The following DLGAP1 variants were observed in gnomAD, a reference collection of about 807,000 sequenced individuals.
The protein encoded by DLGAP1 is disks large-associated protein 1.
In DLGAP1, 11 loss-of-function variants were observed where a neutral mutation model predicts 90.8. That is an observed-to-expected ratio of 0.12 (90% confidence interval 0.08 to 0.20). DLGAP1 has a LOEUF of 0.20. DLGAP1 is among the 10% of genes least tolerant of loss of function. The probability of loss-of-function intolerance (pLI) is 1.00; values close to 1 mark genes in which losing one functional copy is unlikely to be tolerated. For synonymous variants in DLGAP1, 558 were observed against 540.7 expected (o/e 1.03, Z -0.44); for missense variants, 1,050 against 1,333.8 (o/e 0.79, Z 3.31).
At chr18:4,380,940 C>T (rs2082102089) in intron 1 of DLGAP1, among the ~76,000 whole-genome samples, 1 of 152,150 alleles carries the variant, frequency 6.6e-6, no homozygotes, top group Non-Finnish European at 1.5e-5. Context: ...CTGATTAAAG[C>T]AGATGTATTA....
chr18:4,243,085 T>G (rs1343704047), intron 1 of DLGAP1, among the ~76,000 whole-genome samples: 1 of 152,020 alleles, frequency 6.6e-6, no homozygotes, highest in Non-Finnish European at 1.5e-5. Flanking sequence ...TCTTAGATGG[T>G]GTGTTGTGAG....
At chr18:4,367,723 C>G (rs1003738975) in intron 1 of DLGAP1, among the ~76,000 whole-genome samples, 3 of 152,038 alleles carry the variant, frequency 2.0e-5, no homozygotes, top group Non-Finnish European at 4.4e-5. Context: ...GTGGCAGGCA[C>G]CTGCAGTCCC....
chr18:4,257,500 C>G (rs139061327), intron 1 of DLGAP1, among the ~76,000 whole-genome samples: 1 of 152,304 alleles, frequency 6.6e-6, no homozygotes, highest in African/African-American at 2.4e-5. Context: ...ATTTTAAAAA[C>G]TTATTCATCA....
chr18:4,218,346 A>T (rs991551808), intron 1 of DLGAP1, among the ~76,000 whole-genome samples: 1 of 151,996 alleles, frequency 6.6e-6, no homozygotes, highest in African/African-American at 2.4e-5. Flanking sequence ...GACAAATAGT[A>T]ATTGTATATG....
At chr18:3,818,752 T>A (rs1425391492) in intron 4 of DLGAP1, among the ~76,000 whole-genome samples, 1 of 151,688 alleles carries the variant, frequency 6.6e-6, no homozygotes, top group Non-Finnish European at 1.5e-5. Flanking sequence ...CCCGCCACCA[T>A]GCCTGGCTAA....
chr18:4,269,706 C>A (rs1407201777), intron 1 of DLGAP1, among the ~76,000 whole-genome samples: 1 of 151,494 alleles, frequency 6.6e-6, no homozygotes, highest in Non-Finnish European at 1.5e-5. Context: ...TTTGAAAGGG[C>A]CATTGACATA....
intron 1 of DLGAP1, among the ~76,000 whole-genome samples, chr18:4,213,091 C>A (rs1158606539): frequency 1.3e-5 from 2 of 152,068 alleles, no homozygotes; most frequent in South Asian, 2.1e-4. Context: ...GGATTAAGTA[C>A]AAAGCATGAA....
At chr18:3,536,137 A>C (rs2052360141) in intron 9 of DLGAP1, among the ~76,000 whole-genome samples, 1 of 151,990 alleles carries the variant, frequency 6.6e-6, no homozygotes. Context: ...CCAAGTTAAG[A>C]CTTCCTGAAA....
At chr18:3,697,797 C>T (rs897155077) in intron 7 of DLGAP1, among the ~76,000 whole-genome samples, 4 of 152,060 alleles carry the variant, frequency 2.6e-5, no homozygotes, top group Non-Finnish European at 4.4e-5. Flanking sequence ...TTAAGTCTCC[C>T]ACTATTATTG....
intron 7 of DLGAP1, among the ~76,000 whole-genome samples, chr18:3,649,537 CT>C (rs1030880722): frequency 5.1e-4 from 78 of 152,212 alleles, no homozygotes; most frequent in African/African-American, 1.8e-3. Flanking sequence ...AGAGCACCTA[CT>C]GCCTTCCGTA....
chr18:4,171,543 A>T (rs529521872), intron 1 of DLGAP1, among the ~76,000 whole-genome samples: 2 of 151,106 alleles, frequency 1.3e-5, no homozygotes, highest in Admixed American at 1.3e-4. Context: ...CCAGCCTGGA[A>T]GACAGAGCGA....
chr18:3,887,312 T>G (rs2071342768), intron 3 of DLGAP1, among the ~76,000 whole-genome samples: 1 of 152,192 alleles, frequency 6.6e-6, no homozygotes, highest in African/African-American at 2.4e-5. Flanking sequence ...AGACCCTTGG[T>G]GAAGCTATGT....
chr18:3,596,965 G>A, intron 7 of DLGAP1: 1 of 520,086 alleles, frequency 1.9e-6, no homozygotes, highest in East Asian at 5.4e-5. Flanking sequence ...TCCACCCGAT[G>A]TCCCCCATTC....
intron 1 of DLGAP1, among the ~76,000 whole-genome samples, chr18:4,282,139 C>A (rs7228359): frequency 6.6e-6 from 1 of 151,930 alleles, no homozygotes; most frequent in African/African-American, 2.4e-5. Context: ...CCGAGGCGGG[C>A]GGATCACGAG....
At chr18:3,683,152 G>C (rs62083230) in intron 7 of DLGAP1, among the ~76,000 whole-genome samples, 1 of 151,920 alleles carries the variant, frequency 6.6e-6, no homozygotes, top group Non-Finnish European at 1.5e-5. Context: ...CACCGCACCC[G>C]GCCATATCCA....
chr18:3,527,148 G>A (rs512568), intron 10 of DLGAP1, among the ~76,000 whole-genome samples: 109,528 of 151,528 alleles, frequency 0.72, 39,694 homozygotes, highest in South Asian at 0.83. Context: ...TACTCCAAAT[G>A]CTTGTTTTCG....
intron 1 of DLGAP1, among the ~76,000 whole-genome samples, chr18:4,355,701 C>T (rs1248521591): frequency 2.1e-5 from 3 of 145,476 alleles, no homozygotes; most frequent in Non-Finnish European, 3.0e-5. Context: ...AAGTTATCTT[C>T]GGAGAAAACT....
chr18:4,319,406 C>A (rs1189110007), intron 1 of DLGAP1, among the ~76,000 whole-genome samples: 2 of 152,080 alleles, frequency 1.3e-5, no homozygotes, highest in Admixed American at 1.3e-4. Context: ...AACATGAGGG[C>A]TGAACAAAGG....
At chr18:4,067,037 G>T (rs1407404529) in intron 2 of DLGAP1, among the ~76,000 whole-genome samples, 1 of 152,060 alleles carries the variant, frequency 6.6e-6, no homozygotes, top group Non-Finnish European at 1.5e-5. Context: ...GACGTGGACG[G>T]AGCAGGGTGC....
Sources: gnomAD v4.1 joint callset for allele counts (sites outside exome capture counted in the v4.1 genomes callset) on GRCh38, gnomAD v4.1.1 for gene constraint, MANE v1.5 for transcripts, NCBI Gene and HGNC (gene_info 2026-07-23, HGNC 2026-07-21) for gene names.